Variants in RPS6KA2 observed in about 807,000 individuals in gnomAD.
RPS6KA2 encodes ribosomal protein S6 kinase A2.
A neutral mutation model predicts 91.8 loss-of-function variants in RPS6KA2; 42 were observed. The ratio of observed to expected loss-of-function variants is 0.46; its 90% CI spans 0.36 to 0.59. The LOEUF (loss-of-function observed/expected upper bound fraction) is 0.59, where lower values mean the gene tolerates loss of function less well. Among genes scored for constraint, RPS6KA2 ranks in the 20% least tolerant of loss-of-function variants. The probability of loss-of-function intolerance (pLI) is 0.00; values close to 1 mark genes in which losing one functional copy is unlikely to be tolerated. For missense variants in RPS6KA2, 798 were observed against 978.5 expected (o/e 0.82, Z 2.46); for synonymous variants, 414 against 393.6 (o/e 1.05, Z -0.61).
intron 2 of RPS6KA2, among the ~76,000 whole-genome samples, chr6:166,812,930 C>G (rs900408003): frequency 2.0e-5 from 3 of 152,162 alleles, no homozygotes; most frequent in Admixed American, 6.5e-5. Context: ...CTCTCCAGCT[C>G]TCACTGAAAA....
At chr6:166,661,004 G>A (rs1788148146) in intron 2 of RPS6KA2, among the ~76,000 whole-genome samples, 2 of 152,194 alleles carry the variant, frequency 1.3e-5, no homozygotes, top group Non-Finnish European at 2.9e-5. Context: ...GTAAAAGGGT[G>A]AACCAATCCA....
intron 1 of RPS6KA2, among the ~76,000 whole-genome samples, chr6:166,596,399 C>G (rs1356366924): frequency 6.6e-6 from 1 of 152,184 alleles, no homozygotes; most frequent in African/African-American, 2.4e-5. Context: ...TGGGCACCAT[C>G]TCATCAGCTG....
intron 2 of RPS6KA2, among the ~76,000 whole-genome samples, chr6:166,837,773 A>G (rs1780358640): frequency 6.6e-6 from 1 of 152,222 alleles, no homozygotes; most frequent in African/African-American, 2.4e-5. Flanking sequence ...TGGGGTTCCC[A>G]GATGACCTGG....
At chr6:166,655,499 C>T (rs892346068) in intron 2 of RPS6KA2, among the ~76,000 whole-genome samples, 8 of 152,214 alleles carry the variant, frequency 5.3e-5, no homozygotes, top group Non-Finnish European at 7.3e-5. Flanking sequence ...CAACTCAGGC[C>T]GGTCTGCAGA....
intron 2 of RPS6KA2, among the ~76,000 whole-genome samples, chr6:166,823,143 C>T (rs1010230420): frequency 1.3e-5 from 2 of 152,136 alleles, no homozygotes; most frequent in African/African-American, 2.4e-5. Flanking sequence ...GACAGGGGAC[C>T]ATGTTCAAGG....
At chr6:166,607,769 G>A (rs748387651) in intron 1 of RPS6KA2, among the ~76,000 whole-genome samples, 1 of 152,226 alleles carries the variant, frequency 6.6e-6, no homozygotes, top group African/African-American at 2.4e-5. Flanking sequence ...TCTCAAAGCT[G>A]TATGCAAAAA....
upstream of RPS6KA2, among the ~76,000 whole-genome samples, chr6:166,629,443 T>C (rs1297768245): frequency 1.3e-5 from 2 of 152,228 alleles, no homozygotes; most frequent in Non-Finnish European, 2.9e-5. Context: ...GGAGGGAAAA[T>C]CATTCAGATT....
Position 166,825,004 on chromosome 6 carries a change from G to A in RPS6KA2, c.123+33196C>T, listed in dbSNP as rs895730421. Among the ~76,000 whole-genome samples, 5 of 152,338 alleles carry A rather than the reference G, an allele frequency of 3.3e-5. No homozygotes were observed. The highest frequency in any genetic ancestry group is 2.1e-4 in the South Asian group (1 of 4,826). ...GGGGTGCTAACTTGAAGCCATGAGC[G>A]GAGCACCCCAGGGAGCTGCCTTCCC... On this transcript the variant is annotated intron_variant, in intron 2 of 21. Transcript: ENST00000503859. This position sits in a 1 kb window ranked among gnomAD's most constrained non-coding sequence, Gnocchi z 4.1.
At chr6:166,477,597 CAATAT>C (rs1007740749) in intron 10 of RPS6KA2, among the ~76,000 whole-genome samples, 70 of 152,284 alleles carry the variant, frequency 4.6e-4, no homozygotes, top group African/African-American at 1.7e-3. Context: ...CCTCTCCCAG[CAATAT>C]AATAATGTTT....
chr6:166,480,479 T>TTATATATATATATAATA (rs1781157887), intron 10 of RPS6KA2, among the ~76,000 whole-genome samples: 2 of 99,874 alleles, frequency 2.0e-5, no homozygotes, highest in African/African-American at 9.5e-5. Context: ...GATTGTGATT[T>TTATATATATATATAATA]TATATATATA....
At chr6:166,485,297 G>A (rs1398766375) in intron 10 of RPS6KA2, among the ~76,000 whole-genome samples, 1 of 152,250 alleles carries the variant, frequency 6.6e-6, no homozygotes, top group African/African-American at 2.4e-5. Flanking sequence ...CTTCAGAGTT[G>A]AGAGATGAGT....
chr6:166,515,745 CCACAT>C (rs1195626647), intron 3 of RPS6KA2, among the ~76,000 whole-genome samples: 2 of 152,174 alleles, frequency 1.3e-5, no homozygotes, highest in African/African-American at 4.8e-5. Context: ...CCTGGGGCCC[CCACAT>C]CACTAAGCTA....
At chr6:166,466,433 G>C (rs578018637) in intron 11 of RPS6KA2, among the ~76,000 whole-genome samples, 1 of 152,330 alleles carries the variant, frequency 6.6e-6, no homozygotes, top group African/African-American at 2.4e-5. Context: ...GCATACTTTG[G>C]AGTGGCTCCA....
chr6:166,576,927 T>TGGGTCCA (rs1449139183), intron 1 of RPS6KA2, among the ~76,000 whole-genome samples: 1 of 151,360 alleles, frequency 6.6e-6, no homozygotes, highest in Non-Finnish European at 1.5e-5. Flanking sequence ...TTTCCTGGGC[T>TGGGTCCA]GGGTCCAGGG....
intron 10 of RPS6KA2, among the ~76,000 whole-genome samples, chr6:166,487,204 G>A (rs1781441939): frequency 6.6e-6 from 1 of 152,188 alleles, no homozygotes. Context: ...TTACCAAGGT[G>A]CTGAAATGTT....
chr6:166,626,380 T>A lies in RPS6KA2; in HGVS notation c.99+541A>T, dbSNP rs1786876348. On this transcript the variant is annotated intron_variant, in intron 1 of 20. Transcript: ENST00000265678. The surrounding 1 kb of genome is among the most constrained non-coding windows in gnomAD (Gnocchi z 4.1). The stretch of plus-strand genomic sequence containing the variant: ...ACTCCTGAACGCCGTTTTAGACGCC[T>A]AAGCAGATTGTGCTGCTGCCTGTTC... Among the ~76,000 whole-genome samples the A allele has an allele frequency of 6.6e-6, 1 of 152,264 alleles. No individual in the cohort carries two copies. The highest frequency in any genetic ancestry group is 1.5e-5 in the Non-Finnish European group (1 of 68,050).
chr6:166,488,070 T>C (rs567132503), intron 10 of RPS6KA2, among the ~76,000 whole-genome samples: 143 of 87,816 alleles, frequency 1.6e-3, no homozygotes, highest in African/African-American at 4.4e-3. Flanking sequence ...GTATGTCTTC[T>C]ATCTATGAGG....
intron 3 of RPS6KA2, 36 bp downstream of exon 3, chr6:166,531,196 T>G: frequency 7.2e-7 from 1 of 1,381,300 alleles, no homozygotes; most frequent in Non-Finnish European, 1.0e-6. Flanking sequence ...TGCAGTTACC[T>G]GTCTCTGAAG....
At chr6:166,611,751 ACTTATGGTCACAGATGGCT>A (rs1338289050) in intron 1 of RPS6KA2, among the ~76,000 whole-genome samples, 1 of 152,200 alleles carries the variant, frequency 6.6e-6, no homozygotes, top group Non-Finnish European at 1.5e-5. Flanking sequence ...AAGCTGGGTA[ACTTATGGTCACAGATGGCT>A]GCAAAACCGC....
Sources: gnomAD v4.1 joint callset for allele counts (sites outside exome capture counted in the v4.1 genomes callset) on GRCh38, gnomAD v4.1.1 for gene constraint, Gnocchi (gnomAD v3.1) non-coding constraint, MANE v1.5 for transcripts, NCBI Gene and HGNC (gene_info 2026-07-23, HGNC 2026-07-21) for gene names.